MED26: variants seen among roughly 807,000 people sequenced by gnomAD.
The protein encoded by MED26 is mediator complex subunit 26.
In MED26, 7 loss-of-function variants were observed where a neutral mutation model predicts 43.7. The observed-to-expected ratio is 0.16, with a 90% CI of 0.09 to 0.30. MED26 has a LOEUF of 0.30. Among genes scored for constraint, MED26 ranks in the 10% least tolerant of loss-of-function variants. The pLI, the probability that MED26 is intolerant of heterozygous loss-of-function variation, is 1.00. For missense variants in MED26, 784 were observed against 840.6 expected, an observed-to-expected ratio of 0.93 and a Z score of 0.83; for synonymous variants, 375 against 371.1, an observed-to-expected ratio of 1.01 and a Z score of -0.12.
intron 1 of MED26, among the ~76,000 whole-genome samples, chr19:16,589,629 G>A (rs550324715): frequency 1.3e-5 from 2 of 152,200 alleles, no homozygotes; most frequent in Non-Finnish European, 2.9e-5. Context: ...AGGAGAGGAC[G>A]TTGAAGATGG....
chr19:16,607,620 G>A (rs1481828529), intron 1 of MED26, among the ~76,000 whole-genome samples: 4 of 152,288 alleles, frequency 2.6e-5, no homozygotes, highest in African/African-American at 4.8e-5. Context: ...GAGAGAACCC[G>A]GGGAGGTAAT....
chr19:16,597,967 C>T (rs954644575), intron 1 of MED26, among the ~76,000 whole-genome samples: 1 of 151,500 alleles, frequency 6.6e-6, no homozygotes, highest in Non-Finnish European at 1.5e-5. Flanking sequence ...TCAGATGATT[C>T]GCTCAACTTG....
intron 1 of MED26, among the ~76,000 whole-genome samples, chr19:16,625,390 TA>T (rs1270565483): frequency 1.3e-5 from 2 of 152,242 alleles, no homozygotes; most frequent in Non-Finnish European, 2.9e-5. Flanking sequence ...TTGTGGATAT[TA>T]GGTCAGTTCC....
intron 1 of MED26, among the ~76,000 whole-genome samples, chr19:16,601,178 A>T (rs1396858366): frequency 6.7e-5 from 10 of 148,296 alleles, no homozygotes; most frequent in Admixed American, 5.4e-4. Context: ...TTTTTTTGAG[A>T]CAGAGTTTCA....
chr19:16,592,358 A>G (rs1281974278), intron 1 of MED26, among the ~76,000 whole-genome samples: 1 of 152,206 alleles, frequency 6.6e-6, no homozygotes, highest in Non-Finnish European at 1.5e-5. Context: ...GTCCCATGCC[A>G]ATCTCAGAGA....
In MED26 at chr19:16,576,384, G is replaced by A. The variant is rs2086000177; in HGVS notation, c.1446C>T (p.Arg482=). The change falls in exon 3 of 3, where the codon CGC becomes CGT. Residue 482 remains arginine (R), a synonymous_variant. Transcript: ENST00000263390. The surrounding 1 kb of genome is among the most constrained non-coding windows in gnomAD (Gnocchi z 6.8). ...TCAGGTAGGACTGGATGATCTCGTT[G>A]CGTGACAGCTCCTTCCAGTTCGTCT... ...FEQTNWKELS[R]NEIIQSYLSR... 2 of 1,614,146 alleles carry A rather than the reference G, an allele frequency of 1.2e-6. No individual in the cohort carries two copies. The highest frequency in any genetic ancestry group is 1.7e-6 in the Non-Finnish European group (2 of 1,180,036).
intron 1 of MED26, among the ~76,000 whole-genome samples, chr19:16,580,221 C>T (rs2122382136): frequency 6.6e-6 from 1 of 152,342 alleles, no homozygotes; most frequent in East Asian, 1.9e-4. Flanking sequence ...TTCCGTAACA[C>T]ATGATTGTAA....
chr19:16,584,956 G>A (rs1468801987), intron 1 of MED26, among the ~76,000 whole-genome samples: 3 of 152,196 alleles, frequency 2.0e-5, no homozygotes, highest in African/African-American at 7.2e-5. Context: ...TCCTCATAGT[G>A]GCTTCACTGT....
chr19:16,591,766 C>T (rs547814137), intron 1 of MED26, among the ~76,000 whole-genome samples: 1 of 152,236 alleles, frequency 6.6e-6, no homozygotes, highest in African/African-American at 2.4e-5. Flanking sequence ...ATCCTCCTGA[C>T]CTGAAAGTAG....
At chr19:16,606,804 T>A (rs1245489280) in intron 1 of MED26, among the ~76,000 whole-genome samples, 1 of 152,192 alleles carries the variant, frequency 6.6e-6, no homozygotes, top group Non-Finnish European at 1.5e-5. Flanking sequence ...AATGTTGGTG[T>A]CTGGCATCAG....
rs910822942 is a variant in MED26, at chr19:16,577,580, T to G, written c.250A>C (p.Ile84Leu). The part of the protein sequence containing the change: ...KKLLRSWQKL[I>L]EPAHQHEAAL... Reference sequence around the variant, plus strand: ...GCCTCATGCTGGTGTGCCGGCTCGATGAGCTTCTGCCAGCTCCGCAGCAGC... The same window carrying G: ...GCCTCATGCTGGTGTGCCGGCTCGAGGAGCTTCTGCCAGCTCCGCAGCAGC... Residue 84 changes from isoleucine (I) to leucine (L), a missense_variant, in exon 3 of 3, where the codon ATC (isoleucine) becomes CTC (leucine). By Grantham distance (5) the Ile-to-Leu change is conservative. Around this residue, in one of 3 missense-constraint regions of MED26, gnomAD observed 719 missense variants for 730.9 expected, o/e 0.98. Transcript: ENST00000263390. The surrounding 1 kb of genome is among the most constrained non-coding windows in gnomAD (Gnocchi z 8.1). The G allele has an allele frequency of 6.2e-7, 1 of 1,609,922 alleles. No homozygotes were observed. Among genetic ancestry groups the G allele is most frequent in the Non-Finnish European group, 8.5e-7 (1 of 1,177,088 alleles).
At chr19:16,597,614 T>A (rs1160681684) in intron 1 of MED26, among the ~76,000 whole-genome samples, 1 of 152,226 alleles carries the variant, frequency 6.6e-6, no homozygotes, top group East Asian at 1.9e-4. Context: ...CTCTCCTGGT[T>A]CCCAGCAGCA....
At chr19:16,583,914 C>T (rs747844288) in intron 1 of MED26, among the ~76,000 whole-genome samples, 24 of 152,174 alleles carry the variant, frequency 1.6e-4, no homozygotes, top group Non-Finnish European at 3.1e-4. Flanking sequence ...GAACAGTTTG[C>T]ATCCAGGCAG....
Position 16,576,692 on chromosome 19 carries a change from C to T in MED26, c.1138G>A (p.Asp380Asn), listed in dbSNP as rs1193361639. Residue 380 changes from aspartate to asparagine, a missense_variant, in exon 3 of 3, where the codon GAC (aspartate) becomes AAC (asparagine). Physicochemically the swap from Asp to Asn is conservative, Grantham distance 23. This residue lies in a region of MED26 where 719 missense variants were observed against 730.9 expected (regional missense o/e 0.98). Coordinates refer to ENST00000263390, the MANE Select transcript of MED26 (RefSeq NM_004831.5). The surrounding 1 kb of genome is among the most constrained non-coding windows in gnomAD (Gnocchi z 6.8). The part of the protein sequence containing the change: ...AGFSPDSSKA[D>N]SDAASSGGSD... ...CCCCCTGAGGAGGCAGCATCACTGT[C>T]CGCCTTGGAGGAGTCTGGGGAAAAG... is the stretch of plus-strand genomic sequence containing the variant. The T allele has an allele frequency of 5.0e-6, 8 of 1,613,852 alleles. No individual in the cohort carries two copies. The highest frequency in any genetic ancestry group is 1.7e-5 in the Admixed American group (1 of 60,026).
chr19:16,599,111 A>C (rs932097175), intron 1 of MED26, among the ~76,000 whole-genome samples: 1 of 152,210 alleles, frequency 6.6e-6, no homozygotes. Context: ...GCTGTCAGGC[A>C]GGGCTCCAGA....
At chr19:16,616,609 C>CA (rs2086227349) in intron 1 of MED26, among the ~76,000 whole-genome samples, 1 of 152,146 alleles carries the variant, frequency 6.6e-6, no homozygotes, top group Admixed American at 6.5e-5. Flanking sequence ...CACAGCATGA[C>CA]AAAGGCAGAG....
In MED26 at chr19:16,577,080, C is replaced by T. The variant is rs2086010439; in HGVS notation, c.750G>A (p.Leu250=). The T allele has an allele frequency of 7.5e-6, 12 of 1,608,940 alleles. No individual in the cohort carries two copies. Among genetic ancestry groups the T allele is most frequent in the African/African-American group, 1.3e-5 (1 of 74,962 alleles). ...GPCLQPKASV[L]QQLDRVDETP... The stretch of plus-strand genomic sequence containing the variant: ...TCTCGTCCACCCTGTCCAGCTGCTG[C>T]AGCACCGAAGCCTTTGGCTGCAAGC... The change falls in exon 3 of 3, where the codon CTG becomes CTA. Residue 250 remains leucine, a synonymous_variant. Transcript: ENST00000263390. The surrounding 1 kb of genome is among the most constrained non-coding windows in gnomAD (Gnocchi z 8.1).
chr19:16,623,409 A>G (rs1257596672), intron 1 of MED26, among the ~76,000 whole-genome samples: 1 of 152,150 alleles, frequency 6.6e-6, no homozygotes, highest in East Asian at 1.9e-4. Context: ...TCATTTTGCA[A>G]TTTACACCAT....
At chr19:16,601,149 C>T (rs1160394172) in intron 1 of MED26, among the ~76,000 whole-genome samples, 2 of 148,190 alleles carry the variant, frequency 1.3e-5, no homozygotes, top group African/African-American at 5.2e-5. Context: ...AGCCTGGTTA[C>T]AAACACTGAC....
Sources: allele counts gnomAD v4.1 joint callset (sites outside exome capture counted in the v4.1 genomes callset), GRCh38; gene constraint gnomAD v4.1.1; regional missense constraint gnomAD v4.1.1; non-coding constraint Gnocchi (gnomAD v3.1); transcripts MANE v1.5; gene names NCBI Gene and HGNC (gene_info 2026-07-23, HGNC 2026-07-21).